The following AP1AR variants were observed in gnomAD, a reference collection of about 807,000 sequenced individuals.
The protein encoded by AP1AR is adaptor related protein complex 1 associated regulatory protein.
A neutral mutation model predicts 46.3 loss-of-function variants in AP1AR; 29 were observed. That is an observed-to-expected ratio of 0.63 (90% CI 0.47 to 0.85). AP1AR has a LOEUF of 0.85. Among genes scored for constraint, AP1AR ranks in the 40% least tolerant of loss-of-function variants. The pLI, the probability that AP1AR is intolerant of heterozygous loss-of-function variation, is 0.00. For missense variants in AP1AR, 357 were observed against 356.3 expected (o/e 1.00, Z -0.02); for synonymous variants, 122 against 122.9 (o/e 0.99, Z 0.05).
intron 1 of AP1AR, among the ~76,000 whole-genome samples, chr4:112,252,983 T>G (rs1264890482): frequency 6.6e-6 from 1 of 152,162 alleles, no homozygotes; most frequent in Non-Finnish European, 1.5e-5. Context: ...TAAGTGTTAG[T>G]GCCAATAGAA....
Position 112,250,944 on chromosome 4 carries a change from A to G in AP1AR, c.84-2264A>G, listed in dbSNP as rs903753156. ...GGACTTTGTGGGGGACAGAAGCCCA[A>G]TTAAAACTATCTTAGGCAAAGGGTA... On this transcript the variant is annotated intron_variant, in intron 1 of 9. Transcript: ENST00000274000. Among the ~76,000 whole-genome samples, 11 of 152,198 alleles carry G rather than the reference A, an allele frequency of 7.2e-5. No individual in the cohort carries two copies. In the East Asian group the frequency reaches 1.9e-3, roughly 27 times the overall value.
chr4:112,234,397 T>C (rs1033509551), intron 1 of AP1AR, among the ~76,000 whole-genome samples: 1 of 152,180 alleles, frequency 6.6e-6, no homozygotes, highest in Non-Finnish European at 1.5e-5. Flanking sequence ...TTTTACTGTT[T>C]GTGGGCAAAG....
intron 1 of AP1AR, among the ~76,000 whole-genome samples, chr4:112,244,970 G>C (rs572061977): frequency 2.8e-4 from 42 of 152,194 alleles, no homozygotes; most frequent in Middle Eastern, 3.4e-3. Flanking sequence ...AGATTGTTCT[G>C]TACCAATTTA....
intron 1 of AP1AR, among the ~76,000 whole-genome samples, chr4:112,248,421 T>A (rs1560605860): frequency 1.3e-5 from 2 of 151,850 alleles, no homozygotes; most frequent in African/African-American, 4.8e-5. Context: ...GTTAGCTTTT[T>A]AAAAAAAACA....
rs1295208480 is a variant in AP1AR at position 112,268,570 on chromosome 4, AT to A, written c.*163del. The A allele has an allele frequency of 1.6e-6, 1 of 640,740 alleles. No individual in the cohort carries two copies. Among genetic ancestry groups the A allele is most frequent in the Non-Finnish European group, 2.4e-6 (1 of 422,732 alleles). The allele number at this position is 640,740 out of a possible 1,614,324, so 39.7% of individuals were successfully genotyped here. A position where few individuals can be genotyped will look rare whatever the true frequency, so the allele number is the denominator to read the frequency against. ...AAGGAGTAGGGATGATAGGATCTGA[AT>A]TGATACAGAATTAAGTGCAATTTCA... On this transcript the variant is annotated 3_prime_UTR_variant, in exon 10 of 10. Coordinates refer to ENST00000274000, the MANE Select transcript of AP1AR (RefSeq NM_018569.6).
Position 112,232,039 on chromosome 4 carries a change from T to G in AP1AR, c.-53T>G. On this transcript the variant is annotated 5_prime_UTR_variant, in exon 1 of 10. Transcript: ENST00000274000. ...GCGGATGCAGCTGCCGGGCCTGGGT[T>G]TGGGCATTGAGCGGGAGGAGGAGGA... 1 of 1,333,666 alleles carries G rather than the reference T, an allele frequency of 7.5e-7. No individual in the cohort carries two copies. 82.6% of individuals were successfully genotyped at this position (1,333,666 alleles called of 1,614,324 possible). A position where few individuals can be genotyped will look rare whatever the true frequency, so the allele number is the denominator to read the frequency against.
chr4:112,268,105 T>C, intron 9 of AP1AR, 39 bp from the exon 10 acceptor site: 1 of 1,489,332 alleles, frequency 6.7e-7, no homozygotes, highest in Non-Finnish European at 8.9e-7. Context: ...AGCTTTATTA[T>C]CTGTTCTGAG....
In AP1AR at chr4:112,232,011, C is replaced by T. The variant is rs553967493; in HGVS notation, c.-81C>T. ...CCTTGAACCCCATTTCGGCTCGTGC[C>T]GTGCGGATGCAGCTGCCGGGCCTGG... On this transcript the variant is annotated 5_prime_UTR_variant, in exon 1 of 10. Coordinates refer to ENST00000274000, the MANE Select transcript of AP1AR (RefSeq NM_018569.6). 6.4e-6 allele frequency: 8 copies of T among 1,249,534 alleles called. No homozygotes were observed. Among genetic ancestry groups the T allele is most frequent in the African/African-American group, 1.6e-5 (1 of 63,780 alleles). 77.4% of individuals were successfully genotyped at this position (1,249,534 alleles called of 1,614,324 possible).
At chr4:112,255,585 T>TA (rs1726155324) in intron 3 of AP1AR, among the ~76,000 whole-genome samples, 1 of 152,194 alleles carries the variant, frequency 6.6e-6, no homozygotes, top group South Asian at 2.1e-4. Context: ...GCCTATTCTT[T>TA]ATAGTTTTCA....
At chr4:112,264,963 A>C (rs746752326) in intron 6 of AP1AR, 46 bp from the exon 7 acceptor site, 82 of 1,460,872 alleles carry the variant, frequency 5.6e-5, no homozygotes, top group Non-Finnish European at 7.1e-5. Flanking sequence ...TAAAATATAT[A>C]ATTTTACAAC....
intron 1 of AP1AR, among the ~76,000 whole-genome samples, chr4:112,239,116 C>T (rs1725374702): frequency 6.6e-6 from 1 of 152,090 alleles, no homozygotes; most frequent in Non-Finnish European, 1.5e-5. Flanking sequence ...CTTCTGTCCT[C>T]TATATTTGTA....
intron 1 of AP1AR, among the ~76,000 whole-genome samples, chr4:112,243,441 C>G (rs1301826034): frequency 2.0e-5 from 3 of 152,202 alleles, no homozygotes; most frequent in South Asian, 2.1e-4. Flanking sequence ...TTCCACTTCT[C>G]TCACTGACAC....
chr4:112,238,475 G>C (rs1355529941), intron 1 of AP1AR, among the ~76,000 whole-genome samples: 1 of 151,772 alleles, frequency 6.6e-6, no homozygotes. Flanking sequence ...CTAAAATATA[G>C]AAATCAATAG....
intron 4 of AP1AR, among the ~76,000 whole-genome samples, chr4:112,260,411 T>C (rs555086639): frequency 7.3e-4 from 111 of 152,312 alleles, no homozygotes; most frequent in African/African-American, 2.6e-3. Flanking sequence ...AGTGTACTGA[T>C]GTTTATATTT....
intron 1 of AP1AR, among the ~76,000 whole-genome samples, chr4:112,249,311 C>A (rs1017307142): frequency 6.7e-6 from 1 of 149,260 alleles, no homozygotes; most frequent in African/African-American, 2.5e-5. Flanking sequence ...AATAAAATAA[C>A]CTTCCTCCTC....
chr4:112,243,451 C>T (rs1331692956), intron 1 of AP1AR, among the ~76,000 whole-genome samples: 1 of 152,194 alleles, frequency 6.6e-6, no homozygotes, highest in Non-Finnish European at 1.5e-5. Flanking sequence ...CTCACTGACA[C>T]CACCCTAGTC....
In AP1AR at chr4:112,270,177, C is replaced by T. The variant is rs914573996; in HGVS notation, c.*1768C>T. On this transcript the variant is annotated 3_prime_UTR_variant, in exon 10 of 10. Transcript: ENST00000274000. ...AGTAAATTAAGAAAGCAAGATGGAA[C>T]TAGAAAATGTGTTTTAACTGTTAAA... 6.6e-6 allele frequency: 1 copy of T among 152,388 alleles called. No individual in the cohort carries two copies. The highest frequency in any genetic ancestry group is 1.5e-5 in the Non-Finnish European group (1 of 67,974). The allele number at this position is 152,388 out of a possible 1,614,324, so 9.4% of individuals were successfully genotyped here.
At chr4:112,257,950 A>G (rs1416950097) in intron 4 of AP1AR, among the ~76,000 whole-genome samples, 153 bp downstream of exon 4, 1 of 152,156 alleles carries the variant, frequency 6.6e-6, no homozygotes, top group Non-Finnish European at 1.5e-5. Context: ...GATTGAGACA[A>G]ATATCATATA....
chr4:112,264,568 C>T (rs756141362), intron 6 of AP1AR, among the ~76,000 whole-genome samples: 4 of 152,068 alleles, frequency 2.6e-5, no homozygotes, highest in Non-Finnish European at 4.4e-5. Context: ...TAGCCAATTG[C>T]TTTTATTATT....
Sources: allele counts gnomAD v4.1 joint callset (sites outside exome capture counted in the v4.1 genomes callset), GRCh38; gene constraint gnomAD v4.1.1; transcripts MANE v1.5; gene names NCBI Gene and HGNC (gene_info 2026-07-23, HGNC 2026-07-21).